The following PALLD variants were observed in gnomAD, a reference collection of about 807,000 sequenced individuals.
PALLD encodes the protein palladin.
A neutral mutation model predicts 123.5 loss-of-function variants in PALLD; 61 were observed. That is an observed-to-expected ratio of 0.49 (90% confidence interval 0.40 to 0.61). The LOEUF (loss-of-function observed/expected upper bound fraction) is 0.61, where lower values mean the gene tolerates loss of function less well. PALLD is among the 20% of genes least tolerant of loss of function. The probability of loss-of-function intolerance (pLI) is 0.00; values close to 1 mark genes in which losing one functional copy is unlikely to be tolerated. For missense variants in PALLD, 1,273 were observed against 1,377.0 expected, an observed-to-expected ratio of 0.92 and a Z score of 1.20; for synonymous variants, 465 against 496.4, an observed-to-expected ratio of 0.94 and a Z score of 0.84.
At chr4:168,621,383 G>A (rs1015185349) in intron 2 of PALLD, among the ~76,000 whole-genome samples, 3 of 152,154 alleles carry the variant, frequency 2.0e-5, no homozygotes, top group African/African-American at 7.2e-5. Flanking sequence ...TCTGGAGAGA[G>A]GGTAAAAATC....
At chr4:168,771,085 A>AAAAAAAAAAC (rs1195167673) in intron 10 of PALLD, among the ~76,000 whole-genome samples, 4 of 149,608 alleles carry the variant, frequency 2.7e-5, no homozygotes, top group African/African-American at 7.4e-5. Flanking sequence ...ACAAAAAAAA[A>AAAAAAAAAAC]ACCTTAGTTT....
chr4:168,671,261 G>A (rs2710841), intron 3 of PALLD, among the ~76,000 whole-genome samples: 74,140 of 152,054 alleles, frequency 0.49, 19,298 homozygotes, highest in African/African-American at 0.66. Flanking sequence ...GTTCTTCTGT[G>A]TAAAAGCCTC....
chr4:168,830,541 A>AT (rs1744059685), intron 10 of PALLD, among the ~76,000 whole-genome samples: 1 of 148,156 alleles, frequency 6.7e-6, no homozygotes, highest in African/African-American at 2.5e-5. Context: ...AAAAAAAAAA[A>AT]GTTACAAAAT....
At chr4:168,694,880 G>A (rs1442226560) in intron 8 of PALLD, among the ~76,000 whole-genome samples, 1 of 152,152 alleles carries the variant, frequency 6.6e-6, no homozygotes, top group Admixed American at 6.6e-5. Context: ...TACCTTCTCT[G>A]GCCTTCTTTG....
intron 2 of PALLD, among the ~76,000 whole-genome samples, chr4:168,544,323 A>C (rs557474912): frequency 4.6e-5 from 7 of 152,380 alleles, no homozygotes; most frequent in African/African-American, 1.4e-4. Flanking sequence ...TATGCCTGGC[A>C]TAGGCCCTGT....
intron 10 of PALLD, among the ~76,000 whole-genome samples, chr4:168,812,937 C>T (rs868785580): frequency 1.1e-4 from 16 of 152,090 alleles, no homozygotes; most frequent in African/African-American, 3.9e-4. Flanking sequence ...CCCCAGCCCC[C>T]GTGTAGATTC....
intron 2 of PALLD, among the ~76,000 whole-genome samples, chr4:168,532,753 A>G (rs1260387553): frequency 6.6e-6 from 1 of 152,200 alleles, no homozygotes; most frequent in Non-Finnish European, 1.5e-5. Context: ...AGGGAGATTC[A>G]TGGAGGCCAA....
intron 10 of PALLD, among the ~76,000 whole-genome samples, chr4:168,719,253 T>C (rs1251225151): frequency 6.6e-4 from 18 of 27,316 alleles, no homozygotes; most frequent in African/African-American, 2.9e-3. Context: ...AGTAATCTTC[T>C]TTTTTTTTTT....
In PALLD at chr4:168,891,642, T is replaced by C. The variant is rs1473486074; in HGVS notation, c.2100+585T>C. Among the ~76,000 whole-genome samples, 4 of 149,628 alleles carry C rather than the reference T, an allele frequency of 2.7e-5. No individual in the cohort carries two copies. The Middle Eastern group carries it at 0.01, about 384-fold the overall frequency. ...AGAAAGGAAGAAGGAAGGGCAGATATCTGGTTGGGAGAGGAACAAATGAGC... is the reference window on the plus strand; with the variant it reads ...AGAAAGGAAGAAGGAAGGGCAGATACCTGGTTGGGAGAGGAACAAATGAGC... On this transcript the variant is annotated intron_variant, in intron 11 of 21. Transcript: ENST00000505667.
At chr4:168,555,324 G>A (rs1038459320) in intron 2 of PALLD, among the ~76,000 whole-genome samples, 7 of 152,184 alleles carry the variant, frequency 4.6e-5, no homozygotes, top group Non-Finnish European at 1.0e-4. Context: ...CTGGTTCTAA[G>A]GGTTGAGGCC....
chr4:168,818,050 G>A (rs1742221780), intron 10 of PALLD, among the ~76,000 whole-genome samples: 1 of 152,178 alleles, frequency 6.6e-6, no homozygotes, highest in Non-Finnish European at 1.5e-5. Context: ...ACAATGTAGT[G>A]TATTCTGGCT....
At chr4:168,666,359 A>G (rs1779653164) in intron 2 of PALLD, among the ~76,000 whole-genome samples, 1 of 152,100 alleles carries the variant, frequency 6.6e-6, no homozygotes, top group East Asian at 1.9e-4. Flanking sequence ...AGCAGGCGTT[A>G]TTTTTTCTAT....
At chr4:168,762,362 C>T (rs1303932534) in intron 10 of PALLD, among the ~76,000 whole-genome samples, 1 of 151,962 alleles carries the variant, frequency 6.6e-6, no homozygotes, top group African/African-American at 2.4e-5. Context: ...CATCCCAGCT[C>T]CTGGGGAGGC....
intron 10 of PALLD, chr4:168,828,884 A>G (rs559561461): frequency 6.6e-6 from 1 of 152,388 alleles, no homozygotes; most frequent in East Asian, 1.9e-4. Context: ...TGACGAAATA[A>G]AAGTTCATTG....
intron 18 of PALLD, among the ~76,000 whole-genome samples, chr4:168,923,488 C>G (rs927742503): frequency 1.1e-4 from 16 of 152,014 alleles, no homozygotes; most frequent in African/African-American, 3.9e-4. Flanking sequence ...TCCACCACTA[C>G]TACAACTGAT....
intron 2 of PALLD, among the ~76,000 whole-genome samples, chr4:168,611,008 A>T (rs1369379358): frequency 6.6e-6 from 1 of 151,848 alleles, no homozygotes; most frequent in Non-Finnish European, 1.5e-5. Flanking sequence ...TCTAGAGTCT[A>T]CTCCTGGCTG....
chr4:168,689,751 A>T (rs1181380165), intron 6 of PALLD, among the ~76,000 whole-genome samples: 2 of 152,040 alleles, frequency 1.3e-5, no homozygotes, highest in Non-Finnish European at 2.9e-5. Flanking sequence ...CCTGGCCTAG[A>T]TCCAATATTC....
intron 2 of PALLD, among the ~76,000 whole-genome samples, chr4:168,659,409 A>G (rs1054573003): frequency 2.6e-5 from 4 of 152,196 alleles, no homozygotes; most frequent in African/African-American, 9.7e-5. Context: ...ATGTGGTTGC[A>G]TGTGCTTTGG....
chr4:168,700,709 C>T (rs1783591101), intron 8 of PALLD: 1 of 152,054 alleles, frequency 6.6e-6, no homozygotes, highest in Non-Finnish European at 1.5e-5. Flanking sequence ...ACTAATTACA[C>T]AATAAATTAT....
Sources: gnomAD v4.1 joint callset for allele counts (sites outside exome capture counted in the v4.1 genomes callset) on GRCh38, gnomAD v4.1.1 for gene constraint, MANE v1.5 for transcripts, NCBI Gene and HGNC (gene_info 2026-07-23, HGNC 2026-07-21) for gene names.